Variants in PLEKHG7 observed in about 807,000 individuals in gnomAD.
PLEKHG7 encodes the protein pleckstrin homology and RhoGEF domain containing G7.
In PLEKHG7, 77 loss-of-function variants were observed where a neutral mutation model predicts 85.2. That is an observed-to-expected ratio of 0.90 (90% CI 0.75 to 1.09). The LOEUF (loss-of-function observed/expected upper bound fraction) is 1.09. PLEKHG7 is among the 50% of genes least tolerant of loss of function. The pLI is 0.00. For synonymous variants in PLEKHG7, 301 were observed against 302.4 expected (o/e 1.00, Z 0.05); for missense variants, 777 against 804.3 (o/e 0.97, Z 0.41).
chr12:92,770,209 G>A lies in PLEKHG7; in HGVS notation c.*14G>A. ...TCTGAAATTTAGGGACCTAAAACAA[G>A]TGGCATGTCTTTTTAGAAGATTATG... is the stretch of plus-strand genomic sequence containing the variant. On this transcript the variant is annotated 3_prime_UTR_variant, in exon 17 of 17. Transcript: ENST00000344636. 1 of 1,515,430 alleles carries A rather than the reference G, an allele frequency of 6.6e-7. No individual in the cohort carries two copies. The highest frequency in any genetic ancestry group is 2.3e-5 in the East Asian group (1 of 43,858). The allele number at this position is 1,515,430 out of a possible 1,614,324, so 93.9% of individuals were successfully genotyped here.
chr12:92,731,905 T>C (rs1338994342), intron 4 of PLEKHG7, among the ~76,000 whole-genome samples: 1 of 152,288 alleles, frequency 6.6e-6, no homozygotes, highest in East Asian at 1.9e-4. Flanking sequence ...CTGTCTTAAA[T>C]AAATTACTCA....
rs760170614 is a variant in PLEKHG7 at position 92,727,962 on chromosome 12, G to GTGTGTATA, written c.531-1030_531-1029insGTGTATAT. The stretch of plus-strand genomic sequence containing the variant: ...TGTGTGTGTGTGTGTGTGTGTGTGT[G>GTGTGTATA]TATATATATATATACACATATATAC... On this transcript the variant is annotated intron_variant, in intron 3 of 16. Transcript: ENST00000344636. Among the ~76,000 whole-genome samples, 675 of 96,556 alleles carry GTGTGTATA rather than the reference G, an allele frequency of 7.0e-3. 58 individuals carry two copies. The highest frequency in any genetic ancestry group is 0.018 in the East Asian group (50 of 2,768). The allele number at this position is 96,556 out of a possible 152,430, so 63.3% of individuals were successfully genotyped here.
rs780335370 is a variant in PLEKHG7 at position 92,737,536 on chromosome 12, A to G, written c.939+15A>G. On this transcript the variant is annotated intron_variant, in intron 7 of 16. Coordinates refer to ENST00000344636, the MANE Select transcript of PLEKHG7 (RefSeq NM_001377329.1). ...TTCTTAAGATGGTAATGCCAGGCTTAATTTTTGTAGTAGATGGAAAATATT... is the reference window on the plus strand; with the variant it reads ...TTCTTAAGATGGTAATGCCAGGCTTGATTTTTGTAGTAGATGGAAAATATT... The G allele has an allele frequency of 1.2e-6, 2 of 1,605,482 alleles. No homozygotes were observed. Among genetic ancestry groups the G allele is most frequent in the South Asian group, 1.1e-5 (1 of 88,688 alleles).
At chr12:92,755,744 G>A (rs1366772889) in intron 11 of PLEKHG7, 81 bp from the exon 12 acceptor site, 2 of 914,826 alleles carry the variant, frequency 2.2e-6, no homozygotes. Context: ...GTTTCTAAAT[G>A]ATTCCTGTGG....
rs554425312 is a variant in PLEKHG7, at chr12:92,718,364, TA to T, written c.531-10628del. On this transcript the variant is annotated intron_variant, in intron 3 of 16. Transcript: ENST00000344636. ...CAAAAGTAATTACGGGTTTTGCCAT[TA>T]CTTTTAATTGCGTCAAAAACTGCAA... Among the ~76,000 whole-genome samples the T allele has an allele frequency of 1.9e-4, 29 of 152,328 alleles. No homozygotes were observed. In the South Asian group the frequency reaches 6.0e-3, roughly 32 times the overall value.
intron 13 of PLEKHG7, among the ~76,000 whole-genome samples, chr12:92,756,896 C>G (rs1371559365): frequency 6.6e-5 from 10 of 152,150 alleles, no homozygotes; most frequent in Admixed American, 5.9e-4. Flanking sequence ...AGGATAAGTT[C>G]AGAAAAGAAG....
At chr12:92,713,165 G>T (rs1871397721) in intron 3 of PLEKHG7, among the ~76,000 whole-genome samples, 1 of 152,198 alleles carries the variant, frequency 6.6e-6, no homozygotes, top group Admixed American at 6.5e-5. Context: ...CAGTAATGTA[G>T]TGGGGTCCTT....
In PLEKHG7 at chr12:92,770,132, C is replaced by T; in HGVS notation, c.2013C>T (p.Thr671=). Residue 671 remains threonine, a synonymous_variant, in exon 17 of 17, where the codon ACC becomes ACT. Coordinates refer to ENST00000344636, the MANE Select transcript of PLEKHG7 (RefSeq NM_001377329.1). The part of the protein sequence containing the change: ...AQITTAISCF[T]KSQETKKISL... Reference sequence around the variant, plus strand: ...TAACAACTGCAATTTCTTGCTTTACCAAGAGTCAGGAAACCAAGAAAATAT... The same window carrying T: ...TAACAACTGCAATTTCTTGCTTTACTAAGAGTCAGGAAACCAAGAAAATAT... 6.2e-7 allele frequency: 1 copy of T among 1,606,064 alleles called. No individual in the cohort carries two copies. Among genetic ancestry groups the T allele is most frequent in the Non-Finnish European group, 8.5e-7 (1 of 1,177,296 alleles).
chr12:92,735,860 T>C (rs1592679774), intron 5 of PLEKHG7, among the ~76,000 whole-genome samples: 1 of 152,200 alleles, frequency 6.6e-6, no homozygotes, highest in East Asian at 1.9e-4. Flanking sequence ...TTGTTTGTTT[T>C]TTCTCAAATT....
At chr12:92,737,550 A>G (rs1270537184) in intron 7 of PLEKHG7, 29 bp downstream of exon 7, 1 of 1,598,326 alleles carries the variant, frequency 6.3e-7, no homozygotes, top group African/African-American at 1.4e-5. Flanking sequence ...TTTGTAGTAG[A>G]TGGAAAATAT....
At chr12:92,717,285 T>C (rs1871517099) in intron 3 of PLEKHG7, among the ~76,000 whole-genome samples, 1 of 152,194 alleles carries the variant, frequency 6.6e-6, no homozygotes, top group Non-Finnish European at 1.5e-5. Context: ...ATTTGAAAGT[T>C]TGTCTTGAGG....
intron 15 of PLEKHG7, among the ~76,000 whole-genome samples, chr12:92,768,219 A>G (rs1873274383): frequency 6.6e-6 from 1 of 152,118 alleles, no homozygotes; most frequent in African/African-American, 2.4e-5. Flanking sequence ...GAAAAAAAAA[A>G]AAAGAGAGAA....
At chr12:92,707,845 G>A in intron 3 of PLEKHG7, 173 bp downstream of exon 3, 1 of 1,113,974 alleles carries the variant, frequency 9.0e-7, no homozygotes, top group African/African-American at 1.6e-5. Context: ...CATTTCAAGA[G>A]TCTCCCTTTA....
chr12:92,756,080 T>G, intron 12 of PLEKHG7, 140 bp downstream of exon 12: 1 of 717,884 alleles, frequency 1.4e-6, no homozygotes, highest in Non-Finnish European at 2.3e-6. Context: ...AAAGTCTTCA[T>G]CTGTAGGGCA....
chr12:92,712,003 A>C (rs902304718), intron 3 of PLEKHG7, among the ~76,000 whole-genome samples: 3 of 152,174 alleles, frequency 2.0e-5, no homozygotes, highest in African/African-American at 7.2e-5. Flanking sequence ...CTTATCTTTC[A>C]CTTTAGAAGG....
rs1504907 is a variant in PLEKHG7, at chr12:92,761,759, G to C, written c.1644G>C (p.Thr548=). The change falls in exon 14 of 17, where the codon ACG becomes ACC. Residue 548 remains threonine (T), a synonymous_variant. Coordinates refer to ENST00000344636, the MANE Select transcript of PLEKHG7 (RefSeq NM_001377329.1). The part of the protein sequence containing the change: ...YEGKLTLAES[T]RFLDVYLFLF... ...TTCTCTTTTTTTCCTCAGAAAGCAC[G>C]AGATTCCTAGATGTTTATCTGTTTC... The C allele has an allele frequency of 6.5e-7, 1 of 1,550,160 alleles. No individual in the cohort carries two copies. Among genetic ancestry groups the C allele is most frequent in the South Asian group, 1.3e-5 (1 of 79,994 alleles).
chr12:92,712,065 G>A (rs1441286871), intron 3 of PLEKHG7, among the ~76,000 whole-genome samples: 1 of 152,180 alleles, frequency 6.6e-6, no homozygotes, highest in Non-Finnish European at 1.5e-5. Context: ...TTACTGAGGT[G>A]GAAGTTTTCT....
chr12:92,710,638 T>C (rs1379993647), intron 3 of PLEKHG7, among the ~76,000 whole-genome samples: 1 of 152,224 alleles, frequency 6.6e-6, no homozygotes, highest in African/African-American at 2.4e-5. Context: ...AGCTGTCTGA[T>C]CACCCCAAGG....
intron 3 of PLEKHG7, among the ~76,000 whole-genome samples, chr12:92,710,342 C>T (rs1871343529): frequency 1.3e-5 from 2 of 152,184 alleles, no homozygotes; most frequent in Non-Finnish European, 2.9e-5. Context: ...AATCTAGCTG[C>T]TTCAGGATAA....
Sources: allele counts gnomAD v4.1 joint callset (sites outside exome capture counted in the v4.1 genomes callset), GRCh38; gene constraint gnomAD v4.1.1; transcripts MANE v1.5; gene names NCBI Gene and HGNC (gene_info 2026-07-23, HGNC 2026-07-21).